EMCN: variants seen among roughly 807,000 people sequenced by gnomAD.
The protein encoded by EMCN is endomucin.
Under a neutral mutation model 38.4 loss-of-function variants are expected in EMCN, and 37 were observed. The observed-to-expected ratio is 0.96, with a 90% CI of 0.74 to 1.27. The LOEUF (loss-of-function observed/expected upper bound fraction) is 1.27. Among genes scored for constraint, EMCN ranks in the 50% most tolerant of loss-of-function variants. EMCN has a pLI of 0.00. For missense variants in EMCN, 318 were observed against 302.8 expected, an observed-to-expected ratio of 1.05 and a Z score of -0.37; for synonymous variants, 95 against 100.8, an observed-to-expected ratio of 0.94 and a Z score of 0.35.
Position 100,402,163 on chromosome 4 carries a change from A to C in EMCN, c.*40-3790T>G, listed in dbSNP as rs552782673. ...ATGATTTCATGCTCCCACGAAGTAA[A>C]GCTTTGCAGAAGGCAAGGTTTATAG... is the stretch of plus-strand genomic sequence containing the variant. On this transcript the variant is annotated intron_variant, in intron 11 of 11. Transcript: ENST00000296420. Among the ~76,000 whole-genome samples the C allele has an allele frequency of 4.2e-4, 64 of 152,226 alleles. 1 individual carries two copies. The South Asian group carries it at 8.1e-3, about 19-fold the overall frequency.
Position 100,447,519 on chromosome 4 carries a change from A to G in EMCN, c.415+14T>C. ...TGAAAATACTAAGAGAGAGACAGAG[A>G]AAAAAGAGCTTACCTGGTATTTCTG... On this transcript the variant is annotated intron_variant, in intron 5 of 11. Transcript: ENST00000296420. 1 of 1,592,060 alleles carries G rather than the reference A, an allele frequency of 6.3e-7. No homozygotes were observed. Among genetic ancestry groups the G allele is most frequent in the Non-Finnish European group, 8.6e-7 (1 of 1,161,562 alleles).
intron 3 of EMCN, among the ~76,000 whole-genome samples, chr4:100,474,541 G>T (rs939857366): frequency 1.3e-5 from 2 of 152,130 alleles, no homozygotes; most frequent in African/African-American, 4.8e-5. Flanking sequence ...ACAAAAACTT[G>T]CACATAAATG....
intron 11 of EMCN, among the ~76,000 whole-genome samples, chr4:100,401,674 A>C (rs1205218304): frequency 1.3e-5 from 2 of 152,206 alleles, no homozygotes; most frequent in Non-Finnish European, 2.9e-5. Flanking sequence ...AGAAAATTAC[A>C]GAAGTATCAG....
chr4:100,495,795 A>C (rs1270609152), intron 1 of EMCN, among the ~76,000 whole-genome samples: 1 of 152,114 alleles, frequency 6.6e-6, no homozygotes, highest in African/African-American at 2.4e-5. Flanking sequence ...ATCTTTAGCT[A>C]CTAATGCAGT....
chr4:100,409,166 A>G (rs1461215753), intron 11 of EMCN, among the ~76,000 whole-genome samples: 1 of 152,186 alleles, frequency 6.6e-6, no homozygotes, highest in African/African-American at 2.4e-5. Flanking sequence ...CATCGTGGAC[A>G]CTTTACCTAG....
At chr4:100,458,325 T>G (rs1048968010) in intron 4 of EMCN, among the ~76,000 whole-genome samples, 2 of 152,150 alleles carry the variant, frequency 1.3e-5, no homozygotes, top group African/African-American at 4.8e-5. Context: ...ATCTGGGGCC[T>G]AAAATATTTC....
At position 100,430,259 on chromosome 4, in the gene EMCN, G is replaced by A. The variant is rs535672439; in HGVS notation, c.416-6855C>T. Among the ~76,000 whole-genome samples the A allele has an allele frequency of 3.0e-4, 46 of 152,270 alleles. 1 individual carries two copies. In the South Asian group the frequency reaches 9.3e-3, roughly 31 times the overall value. On this transcript the variant is annotated intron_variant, in intron 5 of 11. Coordinates refer to ENST00000296420, the MANE Select transcript of EMCN (RefSeq NM_016242.4). The stretch of plus-strand genomic sequence containing the variant: ...TCATTTGCCCAGGGCCCCACAGTAA[G>A]TAGGTGGCAGAGCCAGGATTTGAAT...
chr4:100,440,736 G>A (rs184510726), intron 5 of EMCN, among the ~76,000 whole-genome samples: 146 of 152,076 alleles, frequency 9.6e-4, no homozygotes, highest in Middle Eastern at 6.8e-3. Context: ...ACATACATGC[G>A]CAAGTGTATT....
At chr4:100,497,175 A>G (rs2110297064) in intron 1 of EMCN, among the ~76,000 whole-genome samples, 1 of 151,816 alleles carries the variant, frequency 6.6e-6, no homozygotes, top group East Asian at 1.9e-4. Context: ...TATATAAAAA[A>G]GGAAGTATAA....
At position 100,396,278 on chromosome 4, in the gene EMCN, C is replaced by T. The variant is rs892247971; in HGVS notation, c.*2135G>A. 6 of 152,074 alleles carry T rather than the reference C, an allele frequency of 3.9e-5. No individual in the cohort carries two copies. The South Asian group carries it at 6.2e-4, about 16-fold the overall frequency. 9.4% of individuals were successfully genotyped at this position (152,074 alleles called of 1,614,324 possible). A position where few individuals can be genotyped will look rare whatever the true frequency, so the allele number is the denominator to read the frequency against. ...TAGATTAATGCATATTCTTTGTGTG[C>T]ACTTCTTGAACTAGAATAAATTTTA... On this transcript the variant is annotated 3_prime_UTR_variant, in exon 12 of 12. Transcript: ENST00000296420.
At chr4:100,504,861 T>G (rs1248245736) in intron 1 of EMCN, among the ~76,000 whole-genome samples, 1 of 152,244 alleles carries the variant, frequency 6.6e-6, no homozygotes, top group Non-Finnish European at 1.5e-5. Context: ...ATGTCAGGCC[T>G]GCCTGCAGTT....
At chr4:100,431,044 G>C (rs1727183236) in intron 5 of EMCN, among the ~76,000 whole-genome samples, 1 of 152,100 alleles carries the variant, frequency 6.6e-6, no homozygotes, top group Non-Finnish European at 1.5e-5. Flanking sequence ...TAGAGGGTCA[G>C]CAGCCAATGC....
At position 100,465,483 on chromosome 4, in the gene EMCN, T is replaced by A. The variant is rs747406591; in HGVS notation, c.316A>T (p.Thr106Ser). Reference sequence around the variant, plus strand: ...TTTGGAAGTGTAACACTTGTTACTGTTACGTTTGAAATGATGGAGTCATTC... The same window carrying A: ...TTTGGAAGTGTAACACTTGTTACTGATACGTTTGAAATGATGGAGTCATTC... ...RKNDSIISNV[T>S]VTSVTLPNAV... is the part of the protein sequence containing the mutation. Residue 106 changes from threonine (T) to serine (S), a missense_variant, in exon 4 of 12, where the codon ACA (threonine) becomes TCA (serine). By Grantham distance (58) the Thr-to-Ser change is moderately conservative. Coordinates refer to ENST00000296420, the MANE Select transcript of EMCN (RefSeq NM_016242.4). 4 of 1,609,596 alleles carry A rather than the reference T, an allele frequency of 2.5e-6. No homozygotes were observed. The highest frequency in any genetic ancestry group is 3.4e-6 in the Non-Finnish European group (4 of 1,177,116).
intron 4 of EMCN, among the ~76,000 whole-genome samples, chr4:100,459,766 T>G (rs751478721): frequency 1.3e-5 from 2 of 152,238 alleles, no homozygotes; most frequent in Non-Finnish European, 2.9e-5. Context: ...TTCCTTTTTC[T>G]TTCCAGGCAA....
At chr4:100,487,621 T>C (rs527526496) in intron 1 of EMCN, among the ~76,000 whole-genome samples, 2 of 152,278 alleles carry the variant, frequency 1.3e-5, no homozygotes, top group African/African-American at 4.8e-5. Flanking sequence ...GGGACAGTTT[T>C]CCCCATGCTG....
chr4:100,502,375 A>G (rs1348372111), intron 1 of EMCN, among the ~76,000 whole-genome samples: 1 of 152,136 alleles, frequency 6.6e-6, no homozygotes, highest in African/African-American at 2.4e-5. Flanking sequence ...GCAAGCTTGC[A>G]TATCTATGCT....
intron 1 of EMCN, among the ~76,000 whole-genome samples, chr4:100,501,162 G>A (rs1356819488): frequency 6.6e-6 from 1 of 151,872 alleles, no homozygotes; most frequent in Non-Finnish European, 1.5e-5. Context: ...CCTATTTTTT[G>A]TAAAGTTTTA....
In EMCN at chr4:100,473,015, A is replaced by G. The variant is rs1291414251; in HGVS notation, c.259+2023T>C. On this transcript the variant is annotated intron_variant, in intron 3 of 11. Transcript: ENST00000296420. The stretch of plus-strand genomic sequence containing the variant: ...CTAGAAGTATATATATATATTATAT[A>G]TATATATTTTTTTTTTTTGAGGTGG... Among the ~76,000 whole-genome samples, 4 of 62,634 alleles carry G rather than the reference A, an allele frequency of 6.4e-5. No individual in the cohort carries two copies. The East Asian group carries it at 2.3e-3, about 36-fold the overall frequency. 41.1% of individuals were successfully genotyped at this position (62,634 alleles called of 152,430 possible).
At chr4:100,468,501 G>T (rs1728385694) in intron 3 of EMCN, among the ~76,000 whole-genome samples, 1 of 152,110 alleles carries the variant, frequency 6.6e-6, no homozygotes, top group African/African-American at 2.4e-5. Context: ...TTACAGCATT[G>T]TTTTATCTGA....
Sources: allele counts gnomAD v4.1 joint callset (sites outside exome capture counted in the v4.1 genomes callset), GRCh38; gene constraint gnomAD v4.1.1; transcripts MANE v1.5; gene names NCBI Gene and HGNC (gene_info 2026-07-23, HGNC 2026-07-21).